SGCZ: variants seen among roughly 807,000 people sequenced by gnomAD.
The protein encoded by SGCZ is zeta-sarcoglycan.
SGCZ carries 40 observed loss-of-function variants against 41.3 expected under a neutral mutation model. That is an observed-to-expected ratio of 0.97 (90% CI 0.75 to 1.26). The LOEUF (loss-of-function observed/expected upper bound fraction) is 1.26, where lower values mean the gene tolerates loss of function less well. SGCZ is among the 50% of genes most tolerant of loss of function. The pLI is 0.00. For synonymous variants in SGCZ, 206 were observed against 137.5 expected (o/e 1.50, Z -3.49); for missense variants, 552 against 369.8 (o/e 1.49, Z -4.04).
rs573951867 is a variant in SGCZ, at chr8:14,246,502, C to T, written c.337-8823G>A. 1.1e-4 allele frequency among the ~76,000 whole-genome samples: 17 copies of T among 150,900 alleles called. No homozygotes were observed. The South Asian group carries it at 2.7e-3, about 24-fold the overall frequency. Reference sequence around the variant, plus strand: ...AGGAGATATACCTAATGCTAAATGACGAGTTAATGGGTGCAGCACACCAGC... The same window carrying T: ...AGGAGATATACCTAATGCTAAATGATGAGTTAATGGGTGCAGCACACCAGC... On this transcript the variant is annotated intron_variant, in intron 3 of 7. Transcript: ENST00000382080.
At chr8:15,233,609 A>G (rs1484367284) in intron 1 of SGCZ, among the ~76,000 whole-genome samples, 1 of 152,094 alleles carries the variant, frequency 6.6e-6, no homozygotes, top group Non-Finnish European at 1.5e-5. Context: ...TGTTGATTCA[A>G]TTAAGCAGAG....
At chr8:14,628,334 A>G (rs935548687) in intron 1 of SGCZ, among the ~76,000 whole-genome samples, 2 of 137,986 alleles carry the variant, frequency 1.4e-5, no homozygotes, top group Non-Finnish European at 3.2e-5. Context: ...GAAAGAAAAT[A>G]TTACAGCTGA....
intron 1 of SGCZ, among the ~76,000 whole-genome samples, chr8:14,676,284 C>T (rs184105899): frequency 2.0e-5 from 3 of 152,010 alleles, no homozygotes; most frequent in Admixed American, 6.6e-5. Context: ...TCTCTTAAGG[C>T]CAGGAGTTTG....
At chr8:14,582,390 T>G (rs2117262559) in intron 1 of SGCZ, among the ~76,000 whole-genome samples, 1 of 152,268 alleles carries the variant, frequency 6.6e-6, no homozygotes, top group South Asian at 2.1e-4. Flanking sequence ...AGTGTGTATT[T>G]ATGCATATTT....
At chr8:14,824,841 G>C (rs1234873680) in intron 1 of SGCZ, among the ~76,000 whole-genome samples, 1 of 151,868 alleles carries the variant, frequency 6.6e-6, no homozygotes, top group Non-Finnish European at 1.5e-5. Context: ...ACTCACTCTA[G>C]GTTTGCCTTG....
In SGCZ at chr8:15,012,647, T is replaced by TATATA. The variant is rs1362508204; in HGVS notation, c.39+224933_39+224937dup. Among the ~76,000 whole-genome samples, 8 of 129,410 alleles carry TATATA rather than the reference T, an allele frequency of 6.2e-5. No individual in the cohort carries two copies. In the East Asian group the frequency reaches 1.7e-3, roughly 28 times the overall value. The allele number at this position is 129,410 out of a possible 152,430, so 84.9% of individuals were successfully genotyped here. A position where few individuals can be genotyped will look rare whatever the true frequency, so the allele number is the denominator to read the frequency against. On this transcript the variant is annotated intron_variant, in intron 1 of 7. Coordinates refer to ENST00000382080, the MANE Select transcript of SGCZ (RefSeq NM_139167.4). ...TATAATATATAAACATATAAAACTA[T>TATATA]ATATAATATATAATATATATTTATT...
chr8:14,176,464 A>G (rs1804544294), intron 4 of SGCZ, among the ~76,000 whole-genome samples: 1 of 152,266 alleles, frequency 6.6e-6, no homozygotes, highest in Non-Finnish European at 1.5e-5. Flanking sequence ...TAATTACAAT[A>G]TTATTGTCAA....
chr8:15,070,268 C>A (rs1395717158), intron 1 of SGCZ, among the ~76,000 whole-genome samples: 2 of 152,080 alleles, frequency 1.3e-5, no homozygotes, highest in Non-Finnish European at 2.9e-5. Flanking sequence ...ACACTAAATT[C>A]GGTTTCATTT....
At chr8:14,373,724 A>G (rs1662856475) in intron 2 of SGCZ, among the ~76,000 whole-genome samples, 1 of 152,208 alleles carries the variant, frequency 6.6e-6, no homozygotes, top group African/African-American at 2.4e-5. Flanking sequence ...ATAGAACAAA[A>G]GGCATAAAGA....
chr8:14,842,366 AAAAAG>A (rs1408352157), intron 1 of SGCZ, among the ~76,000 whole-genome samples: 3 of 151,878 alleles, frequency 2.0e-5, no homozygotes, highest in Non-Finnish European at 4.4e-5. Flanking sequence ...GGAAACAAGA[AAAAAG>A]AGAAGAAAGG....
chr8:15,051,958 C>T (rs1392164657), intron 1 of SGCZ, among the ~76,000 whole-genome samples: 1 of 152,042 alleles, frequency 6.6e-6, no homozygotes, highest in Non-Finnish European at 1.5e-5. Flanking sequence ...AGAGGAAGAA[C>T]TAATGAGAGA....
intron 1 of SGCZ, among the ~76,000 whole-genome samples, chr8:14,746,311 A>C (rs900514613): frequency 1.2e-4 from 19 of 152,086 alleles, no homozygotes; most frequent in African/African-American, 4.6e-4. Context: ...CGTAAGTTTC[A>C]CACATTTTCT....
intron 1 of SGCZ, among the ~76,000 whole-genome samples, chr8:14,579,940 A>G (rs73535232): frequency 1.7e-3 from 264 of 152,264 alleles, no homozygotes; most frequent in African/African-American, 6.0e-3. Flanking sequence ...TAAGATTAGT[A>G]TATTTGTTCT....
chr8:14,468,492 A>G (rs562262762), intron 2 of SGCZ, among the ~76,000 whole-genome samples: 3 of 152,236 alleles, frequency 2.0e-5, no homozygotes, highest in Non-Finnish European at 4.4e-5. Context: ...GCTGTTTCAT[A>G]CATGTCTGAT....
intron 7 of SGCZ, among the ~76,000 whole-genome samples, chr8:14,100,238 A>T (rs1009653874): frequency 1.3e-4 from 19 of 151,894 alleles, no homozygotes; most frequent in Non-Finnish European, 2.5e-4. Context: ...CACAATACTC[A>T]TTTGACAATG....
At chr8:14,899,093 C>G (rs73666929) in intron 1 of SGCZ, among the ~76,000 whole-genome samples, 3,651 of 150,980 alleles carry the variant, frequency 0.024, 146 homozygotes, top group African/African-American at 0.084. Flanking sequence ...ATTTTTTTTT[C>G]CTGGAATTGA....
intron 5 of SGCZ, among the ~76,000 whole-genome samples, chr8:14,145,095 T>C (rs1803481935): frequency 6.6e-6 from 1 of 152,178 alleles, no homozygotes; most frequent in African/African-American, 2.4e-5. Flanking sequence ...TGGCTGGCTT[T>C]GCCAATGGCT....
intron 1 of SGCZ, among the ~76,000 whole-genome samples, chr8:14,678,412 A>G (rs1198291838): frequency 6.6e-6 from 1 of 152,230 alleles, no homozygotes; most frequent in East Asian, 1.9e-4. Context: ...AGATGTACCA[A>G]TGGTAAATAA....
At chr8:14,196,467 GA>G (rs1379570268) in intron 4 of SGCZ, among the ~76,000 whole-genome samples, 1 of 151,964 alleles carries the variant, frequency 6.6e-6, no homozygotes, top group African/African-American at 2.4e-5. Context: ...CAGCCACTGT[GA>G]AAAAGAAATT....
Sources: gnomAD v4.1 joint callset for allele counts (sites outside exome capture counted in the v4.1 genomes callset) on GRCh38, gnomAD v4.1.1 for gene constraint, MANE v1.5 for transcripts, NCBI Gene and HGNC (gene_info 2026-07-23, HGNC 2026-07-21) for gene names.